The following ACOT1 variants were observed in gnomAD, a reference collection of about 807,000 sequenced individuals.
ACOT1 encodes acyl-coenzyme A thioesterase 1.
In ACOT1, 8 loss-of-function variants were observed where a neutral mutation model predicts 15.7. The ratio of observed to expected loss-of-function variants is 0.51; its 90% CI spans 0.30 to 0.92. The LOEUF is 0.92. Among genes scored for constraint, ACOT1 ranks in the 40% least tolerant of loss-of-function variants. The pLI is 0.06. For synonymous variants in ACOT1, 67 were observed against 241.2 expected, an observed-to-expected ratio of 0.28 and a Z score of 6.69; for missense variants, 151 against 539.4, an observed-to-expected ratio of 0.28 and a Z score of 7.13.
chr14:73,497,582 T>C, the ACOT1 span, among the ~76,000 whole-genome samples: 1 of 152,296 alleles, frequency 6.6e-6, no homozygotes, highest in Non-Finnish European at 1.5e-5. Flanking sequence ...GTTGTCCCAA[T>C]AGGCATTTGA....
the ACOT1 span, chr14:73,503,125 G>A: frequency 2.4e-6 from 2 of 833,882 alleles, no homozygotes; most frequent in South Asian, 3.0e-5. Flanking sequence ...AATGAGGATT[G>A]TCCTGAGTGT....
chr14:73,511,921 A>C, the ACOT1 span: 3 of 1,540,274 alleles, frequency 1.9e-6, no homozygotes, highest in Non-Finnish European at 2.7e-6. Flanking sequence ...ATGATCTCAG[A>C]TAAGCCCTGG....
At chr14:73,504,236 C>G in the ACOT1 span, among the ~76,000 whole-genome samples, 1 of 150,268 alleles carries the variant, frequency 6.7e-6, no homozygotes, top group Non-Finnish European at 1.5e-5. Flanking sequence ...TGCCACCAAG[C>G]CTGGCTAATT....
the ACOT1 span, among the ~76,000 whole-genome samples, chr14:73,516,879 C>A: frequency 1.3e-5 from 2 of 152,224 alleles, no homozygotes; most frequent in Non-Finnish European, 2.9e-5. Flanking sequence ...ATTTCATCCT[C>A]AAACCATCCC....
At chr14:73,527,146 C>T in the ACOT1 span, 1 of 152,030 alleles carries the variant, frequency 6.6e-6, no homozygotes, top group Non-Finnish European at 1.5e-5. Context: ...GCACTTAATC[C>T]CCTTTGAATA....
intron 1 of ACOT1, among the ~76,000 whole-genome samples, chr14:73,540,742 CTT>C (rs200357086): frequency 2.0e-4 from 16 of 81,220 alleles, no homozygotes; most frequent in Non-Finnish European, 1.8e-4. Flanking sequence ...TGTTTGCATT[CTT>C]TTTTTTTTTT....
At chr14:73,491,237 G>T in the ACOT1 span, 6 of 1,588,974 alleles carry the variant, frequency 3.8e-6, no homozygotes, top group Non-Finnish European at 5.1e-6. Flanking sequence ...GACGGCCGAC[G>T]ACCTGGGGGA....
At chr14:73,512,548 AT>A in the ACOT1 span, among the ~76,000 whole-genome samples, 11 of 152,162 alleles carry the variant, frequency 7.2e-5, no homozygotes, top group African/African-American at 2.4e-4. Context: ...GAGATTTCTT[AT>A]TTGTAATACA....
chr14:73,491,481 T>C, the ACOT1 span: 1 of 1,498,064 alleles, frequency 6.7e-7, no homozygotes, highest in Non-Finnish European at 8.9e-7. Context: ...GCGCAACACT[T>C]AGCGGCCGTC....
At chr14:73,491,587 C>A in the ACOT1 span, 5 of 1,544,980 alleles carry the variant, frequency 3.2e-6, no homozygotes, top group South Asian at 1.2e-5. Context: ...GCGTCTTGGC[C>A]GAGCTGAACC....
chr14:73,528,272 G>A, the ACOT1 span, among the ~76,000 whole-genome samples: 6 of 151,184 alleles, frequency 4.0e-5, no homozygotes, highest in Non-Finnish European at 7.4e-5. Context: ...GTGGGCATCC[G>A]TAATCCCAGC....
At chr14:73,492,956 T>A in the ACOT1 span, 1 of 1,610,944 alleles carries the variant, frequency 6.2e-7, no homozygotes, top group Admixed American at 1.7e-5. This position sits in a 1 kb window ranked among gnomAD's most constrained non-coding sequence, Gnocchi z 4.9. Context: ...TCTTGTTGAT[T>A]GCTGGAAACA....
chr14:73,519,050 A>G, the ACOT1 span: 1 of 1,613,390 alleles, frequency 6.2e-7, no homozygotes, highest in Non-Finnish European at 8.5e-7. Flanking sequence ...TGGGCACTCC[A>G]CTTTTCTGGA....
At chr14:73,520,564 G>A in the ACOT1 span, 1 of 305,586 alleles carries the variant, frequency 3.3e-6, no homozygotes, top group African/African-American at 2.1e-5. Flanking sequence ...ATAGAGAAGA[G>A]ATGGATTGTT....
At chr14:73,510,299 T>C in the ACOT1 span, among the ~76,000 whole-genome samples, 1 of 152,152 alleles carries the variant, frequency 6.6e-6, no homozygotes. Context: ...GGAGTCTTTT[T>C]TGGTTCAACT....
the ACOT1 span, chr14:73,491,629 C>T: frequency 3.9e-6 from 6 of 1,549,636 alleles, no homozygotes; most frequent in Non-Finnish European, 5.2e-6. Flanking sequence ...GAGCGGCCCG[C>T]CTCTTTGAGT....
chr14:73,502,832 G>T, the ACOT1 span: 1 of 1,314,640 alleles, frequency 7.6e-7, no homozygotes, highest in Non-Finnish European at 1.1e-6. Context: ...ACCTTGCCCA[G>T]CCTGCCTCCT....
chr14:73,528,579 T>C, the ACOT1 span, among the ~76,000 whole-genome samples: 1 of 152,026 alleles, frequency 6.6e-6, no homozygotes, highest in Non-Finnish European at 1.5e-5. Flanking sequence ...ACGGGACAGG[T>C]GTAAGGCCAA....
chr14:73,495,502 G>A, the ACOT1 span: 1 of 811,810 alleles, frequency 1.2e-6, no homozygotes, highest in East Asian at 2.7e-5. Flanking sequence ...AGGATCACTT[G>A]AGCCCAACAG....
Sources: gnomAD v4.1 joint callset for allele counts (sites outside exome capture counted in the v4.1 genomes callset) on GRCh38, gnomAD v4.1.1 for gene constraint, Gnocchi (gnomAD v3.1) non-coding constraint, MANE v1.5 for transcripts, NCBI Gene and HGNC (gene_info 2026-07-23, HGNC 2026-07-21) for gene names.